Variants in KIF1A observed in about 807,000 individuals in gnomAD.
KIF1A encodes the protein kinesin-like protein KIF1A.
In KIF1A, 46 loss-of-function variants were observed where a neutral mutation model predicts 227.3. That is an observed-to-expected ratio of 0.20 (90% CI 0.16 to 0.26). KIF1A has a LOEUF of 0.26. Among genes scored for constraint, KIF1A ranks in the 10% least tolerant of loss-of-function variants. The pLI is 1.00. For synonymous variants in KIF1A, 1,022 were observed against 1,012.8 expected (o/e 1.01, Z -0.17); for missense variants, 1,683 against 2,485.9 (o/e 0.68, Z 6.87).
chr2:240,773,907 C>T (rs903347297), intron 12 of KIF1A, among the ~76,000 whole-genome samples: 9 of 152,174 alleles, frequency 5.9e-5, no homozygotes, highest in Non-Finnish European at 1.3e-4. Context: ...TAAACTGCTT[C>T]GCCCAGCAGG....
rs2048304848 is a variant in KIF1A at position 240,743,980 on chromosome 2, C to T, written c.3546G>A (p.Gln1182=). ...TGCAGAGGGGCGGGAACGGGTGCTG[C>T]TGGTAGTGGCCAAAGACCTCGAAAA... ...PIVFEVFGHY[Q]QHPFPPLCKD... Residue 1182 remains glutamine, a synonymous_variant, in exon 33 of 49, where the codon CAG becomes CAA. Coordinates refer to ENST00000498729, the MANE Select transcript of KIF1A (RefSeq NM_001244008.2). The T allele has an allele frequency of 1.2e-6, 2 of 1,613,702 alleles. No homozygotes were observed. Among genetic ancestry groups the T allele is most frequent in the Admixed American group, 3.3e-5 (2 of 60,026 alleles).
intron 7 of KIF1A, 23 bp downstream of exon 7, chr2:240,784,966 C>T (rs1377980353): frequency 7.5e-6 from 12 of 1,591,200 alleles, no homozygotes; most frequent in South Asian, 6.6e-5. Flanking sequence ...TTGGTGGCAC[C>T]GCCTGTGAGG....
intron 9 of KIF1A, 34 bp from the exon 10 acceptor site, chr2:240,782,641 C>G (rs1316036032): frequency 3.2e-6 from 5 of 1,550,428 alleles, no homozygotes; most frequent in Non-Finnish European, 4.4e-6. Flanking sequence ...GGCTGAGGCC[C>G]GGAGCGAAGC....
At chr2:240,761,181 T>C in intron 24 of KIF1A, 48 bp downstream of exon 24, 2 of 1,564,864 alleles carry the variant, frequency 1.3e-6, no homozygotes, top group Non-Finnish European at 1.7e-6. Context: ...ATGAGTGAGG[T>C]GACACACTCT....
chr2:240,786,790 G>GTGA lies in KIF1A; in HGVS notation c.430-278_430-277insTCA, dbSNP rs1559530149. 1.2e-3 allele frequency among the ~76,000 whole-genome samples: 154 copies of GTGA among 132,700 alleles called. 11 individuals carry two copies. Among genetic ancestry groups the GTGA allele is most frequent in the African/African-American group, 6.0e-3 (149 of 24,808 alleles). The allele number at this position is 132,700 out of a possible 152,430, so 87.1% of individuals were successfully genotyped here. On this transcript the variant is annotated intron_variant, in intron 5 of 48. Transcript: ENST00000498729. ...GGCCACCATCAGGACCCCTGAGTGA[G>GTGA]GGGGTGGGGGCTGCCATCAGGACCC...
chr2:240,772,002 G>A lies in KIF1A; in HGVS notation c.1207+568C>T, dbSNP rs535518952. ...CTGCAGCCAAGCTCGGGGAGGCACT[G>A]AGCCCCATGGAGCCAGACCCGAGGC... On this transcript the variant is annotated intron_variant, in intron 14 of 48. Coordinates refer to ENST00000498729, the MANE Select transcript of KIF1A (RefSeq NM_001244008.2). Among the ~76,000 whole-genome samples, 10 of 152,354 alleles carry A rather than the reference G, an allele frequency of 6.6e-5. No individual in the cohort carries two copies. The East Asian group carries it at 1.9e-3, about 29-fold the overall frequency.
intron 38 of KIF1A, among the ~76,000 whole-genome samples, chr2:240,730,482 T>C (rs982863774): frequency 2.4e-4 from 36 of 152,152 alleles, no homozygotes; most frequent in Admixed American, 2.0e-4. Flanking sequence ...GAAGCCTCCC[T>C]CACTCTATCC....
chr2:240,813,977 C>T lies in KIF1A; in HGVS notation c.-61+6145G>A, dbSNP rs1395996615. Among the ~76,000 whole-genome samples the T allele has an allele frequency of 3.3e-5, 5 of 151,972 alleles. No homozygotes were observed. The South Asian group carries it at 8.3e-4, about 25-fold the overall frequency. On this transcript the variant is annotated intron_variant, in intron 1 of 48. Transcript: ENST00000498729. ...TGCTATGAGACAGAACATTTAGAAA[C>T]GTGAAGATTTTAGAGATGAAAAATG...
chr2:240,737,338 A>C, intron 37 of KIF1A, 170 bp from the exon 38 acceptor site: 1 of 568,022 alleles, frequency 1.8e-6, no homozygotes, highest in Non-Finnish European at 3.2e-6. Context: ...GTCCTCAGCA[A>C]CCCAGGTGCC....
At chr2:240,794,589 C>G (rs1193578224) in intron 2 of KIF1A, among the ~76,000 whole-genome samples, 1 of 152,284 alleles carries the variant, frequency 6.6e-6, no homozygotes, top group African/African-American at 2.4e-5. Flanking sequence ...CAGCTCCCAG[C>G]TGGCGGGCAT....
chr2:240,713,929 TCA>T lies in KIF1A; in HGVS notation c.*3433_*3434del, dbSNP rs2044381142. On this transcript the variant is annotated 3_prime_UTR_variant, in exon 49 of 49. Transcript: ENST00000498729. ...GGGGTCTGGGGTGTGCCCACAGCAA[TCA>T]CATATGTACAAGCCAGGGACGCGGC... 1 of 152,592 alleles carries T rather than the reference TCA, an allele frequency of 6.6e-6. No individual in the cohort carries two copies. Among genetic ancestry groups the T allele is most frequent in the African/African-American group, 2.4e-5 (1 of 41,404 alleles). The allele number at this position is 152,592 out of a possible 1,614,324, so 9.5% of individuals were successfully genotyped here. A position where few individuals can be genotyped will look rare whatever the true frequency, so the allele number is the denominator to read the frequency against.
chr2:240,808,580 GA>G (rs2057613332), intron 1 of KIF1A, among the ~76,000 whole-genome samples: 1 of 151,978 alleles, frequency 6.6e-6, no homozygotes, highest in African/African-American at 2.4e-5. Flanking sequence ...GCTGAGGTAG[GA>G]GGATCACTTG....
chr2:240,808,475 A>C (rs1472159033), intron 1 of KIF1A, among the ~76,000 whole-genome samples: 3 of 151,402 alleles, frequency 2.0e-5, no homozygotes, highest in Non-Finnish European at 4.4e-5. Flanking sequence ...CCTGAGCAAC[A>C]TAGCAAGACC....
At chr2:240,767,157 A>G in intron 18 of KIF1A, 109 bp downstream of exon 18, 1 of 1,128,576 alleles carries the variant, frequency 8.9e-7, no homozygotes, top group Admixed American at 2.0e-5. Flanking sequence ...TCGCTGGGGA[A>G]GTCCAAACTC....
intron 1 of KIF1A, among the ~76,000 whole-genome samples, chr2:240,800,691 T>C (rs2056891699): frequency 6.6e-6 from 1 of 152,134 alleles, no homozygotes; most frequent in Admixed American, 6.5e-5. Flanking sequence ...TTAAGACATT[T>C]GCCAAATTCT....
intron 1 of KIF1A, among the ~76,000 whole-genome samples, chr2:240,809,637 G>A (rs149220977): frequency 2.2e-3 from 326 of 150,344 alleles, no homozygotes; most frequent in Middle Eastern, 0.014. Flanking sequence ...ATAAAGAAGA[G>A]TTATATCTTC....
Position 240,725,507 on chromosome 2 carries a change from C to CCCTGGGAAGG in KIF1A, c.4123-104_4123-103insCCTTCCCAGG. 1 of 1,312,928 alleles carries CCCTGGGAAGG rather than the reference C, an allele frequency of 7.6e-7. No individual in the cohort carries two copies. The highest frequency in any genetic ancestry group is 1.1e-6 in the Non-Finnish European group (1 of 952,308). 81.3% of individuals were successfully genotyped at this position (1,312,928 alleles called of 1,614,324 possible). A position where few individuals can be genotyped will look rare whatever the true frequency, so the allele number is the denominator to read the frequency against. On this transcript the variant is annotated intron_variant, in intron 39 of 48. Coordinates refer to ENST00000498729, the MANE Select transcript of KIF1A (RefSeq NM_001244008.2). The surrounding 1 kb of genome is among the most constrained non-coding windows in gnomAD (Gnocchi z 5.8). ...CACAATGCCCAGCACCGACAGGCAG[C>CCCTGGGAAGG]CCCAGGGCCTTCCCAGGGCCTCAGG...
intron 38 of KIF1A, among the ~76,000 whole-genome samples, chr2:240,729,294 C>T (rs1171429459): frequency 6.6e-6 from 1 of 152,158 alleles, no homozygotes; most frequent in African/African-American, 2.4e-5. Context: ...TGCTTCTCTT[C>T]CCCTTCCTTC....
chr2:240,742,975 C>A lies in KIF1A; in HGVS notation c.3594G>T (p.Arg1198Ser), dbSNP rs1411100549. Residue 1198 changes from arginine to serine, a missense_variant, in exon 34 of 49, where the codon AGG becomes AGT. Coordinates refer to ENST00000498729, the MANE Select transcript of KIF1A (RefSeq NM_001244008.2). ...CCCGAGGGAAGTGGCGGCGCGAGGG[C>A]CTCAGGGGGCTGTGGAGAAAGGACC... ...PLCKDVLSPLRPSRRHFPRVM... is the reference protein window; with the variant it reads ...PLCKDVLSPLSPSRRHFPRVM... The A allele has an allele frequency of 3.1e-6, 5 of 1,609,770 alleles. No homozygotes were observed. Among genetic ancestry groups the A allele is most frequent in the Non-Finnish European group, 4.2e-6 (5 of 1,177,902 alleles).
Sources: allele counts gnomAD v4.1 joint callset (sites outside exome capture counted in the v4.1 genomes callset), GRCh38; gene constraint gnomAD v4.1.1; non-coding constraint Gnocchi (gnomAD v3.1); transcripts MANE v1.5; gene names NCBI Gene and HGNC (gene_info 2026-07-23, HGNC 2026-07-21).